The following VPS13D variants were observed in gnomAD, a reference collection of about 807,000 sequenced individuals.
VPS13D encodes intermembrane lipid transfer protein VPS13D.
Under a neutral mutation model 461.9 loss-of-function variants are expected in VPS13D, and 187 were observed. That is an observed-to-expected ratio of 0.40 (90% CI 0.36 to 0.46). The LOEUF (loss-of-function observed/expected upper bound fraction) is 0.46. Ranked by LOEUF, VPS13D falls within the 20% of genes least tolerant of loss-of-function variation. The pLI is 0.60. For missense variants in VPS13D, 4,711 were observed against 5,364.9 expected (o/e 0.88, Z 3.81); for synonymous variants, 1,951 against 1,986.3 (o/e 0.98, Z 0.47).
intron 67 of VPS13D, 154 bp from the exon 68 acceptor site, chr1:12,497,346 C>T: frequency 2.5e-6 from 2 of 796,544 alleles, no homozygotes; most frequent in Non-Finnish European, 3.6e-6. Context: ...ACCGCTATTT[C>T]ATGGTGTATT....
At chr1:12,497,361 G>T in intron 67 of VPS13D, 139 bp from the exon 68 acceptor site, 1 of 969,676 alleles carries the variant, frequency 1.0e-6, no homozygotes, top group East Asian at 3.0e-5. Context: ...TGTATTCACA[G>T]GCAGTACTGT....
At position 12,349,274 on chromosome 1, in the gene VPS13D, A is replaced by T; in HGVS notation, c.9331A>T (p.Lys3111Ter). ...CAAAGGATTGGGTGTATTTTTCTGT[A>T]AGGCTCCCATTCATTGGACCAATGT... ...RPKGLGVFFC[K>*]APIHWTNVVK... Residue 3111 changes from lysine (K) to a stop codon, truncating the protein, a stop_gained, in exon 46 of 70, where the codon AAG (lysine) becomes TAG (stop). Coordinates refer to ENST00000620676, the MANE Select transcript of VPS13D (RefSeq NM_015378.4). LOFTEE classifies it high-confidence loss of function. The T allele has an allele frequency of 6.2e-7, 1 of 1,614,134 alleles. No individual in the cohort carries two copies. The highest frequency in any genetic ancestry group is 2.2e-5 in the East Asian group (1 of 44,872).
chr1:12,283,531 T>C lies in VPS13D; in HGVS notation c.5429T>C (p.Ile1810Thr), dbSNP rs1236367670. Residue 1810 changes from isoleucine (I) to threonine (T), a missense_variant, in exon 21 of 70, where the codon ATT (isoleucine) becomes ACT (threonine). Coordinates refer to ENST00000620676, the MANE Select transcript of VPS13D (RefSeq NM_015378.4). ...AGTTACAATCGAGTTAACCGGAGCA[T>C]TGATGTTGATTTTAATTGCTTGGAT... ...SSSYNRVNRS[I>T]DVDFNCLDVL... The C allele has an allele frequency of 2.5e-6, 4 of 1,614,176 alleles. No homozygotes were observed. Among genetic ancestry groups the C allele is most frequent in the Non-Finnish European group, 3.4e-6 (4 of 1,180,022 alleles).
At chr1:12,459,052 A>G (rs1379004018) in intron 66 of VPS13D, among the ~76,000 whole-genome samples, 1 of 152,184 alleles carries the variant, frequency 6.6e-6, no homozygotes, top group Non-Finnish European at 1.5e-5. Flanking sequence ...CCTTATTTCA[A>G]GCATCCAGTG....
At chr1:12,334,488 C>T (rs945281218) in intron 38 of VPS13D, among the ~76,000 whole-genome samples, 6 of 152,204 alleles carry the variant, frequency 3.9e-5, no homozygotes, top group Admixed American at 2.6e-4. Context: ...ATCTTCTGGC[C>T]GTGCACATTG....
intron 10 of VPS13D, 115 bp from the exon 11 acceptor site, chr1:12,260,578 A>T: frequency 2.6e-6 from 2 of 778,900 alleles, no homozygotes; most frequent in South Asian, 1.6e-5. Flanking sequence ...GTGGAAATGC[A>T]GGGGACCAGA....
Position 12,473,493 on chromosome 1 carries a change from A to T in VPS13D, c.12662+13097A>T, listed in dbSNP as rs1293710297. Among the ~76,000 whole-genome samples, 1 of 151,972 alleles carries T rather than the reference A, an allele frequency of 6.6e-6. No homozygotes were observed. Among genetic ancestry groups the T allele is most frequent in the Non-Finnish European group, 1.5e-5 (1 of 67,974 alleles). On this transcript the variant is annotated intron_variant, in intron 67 of 69. Transcript: ENST00000620676. This position sits in a 1 kb window ranked among gnomAD's most constrained non-coding sequence, Gnocchi z 4.2. ...GTCATTGGGCTGCTGCTTGGCTGTGACCTGGAACAAGTTTTTCCCCTCTTA... is the reference window on the plus strand; with the variant it reads ...GTCATTGGGCTGCTGCTTGGCTGTGTCCTGGAACAAGTTTTTCCCCTCTTA...
chr1:12,259,403 C>T (rs1385307504), intron 10 of VPS13D, among the ~76,000 whole-genome samples: 6 of 151,692 alleles, frequency 4.0e-5, no homozygotes, highest in Non-Finnish European at 8.8e-5. Flanking sequence ...GCAACCTCTG[C>T]CTCCTTGGTT....
chr1:12,397,546 C>G (rs944636235), intron 60 of VPS13D, among the ~76,000 whole-genome samples: 1 of 152,134 alleles, frequency 6.6e-6, no homozygotes, highest in Non-Finnish European at 1.5e-5. Flanking sequence ...TTCATTCAGT[C>G]CATTCTTACT....
chr1:12,268,656 G>A, intron 15 of VPS13D, 50 bp from the exon 16 acceptor site: 1 of 1,571,522 alleles, frequency 6.4e-7, no homozygotes, highest in South Asian at 1.2e-5. Context: ...TGTTAATAAG[G>A]CTATAGTTTT....
intron 21 of VPS13D, 46 bp downstream of exon 21, chr1:12,283,782 TG>T (rs1641882638): frequency 1.9e-5 from 29 of 1,528,688 alleles, no homozygotes; most frequent in Non-Finnish European, 2.4e-5. Context: ...AAAATGGATT[TG>T]GGCTTGTTGA....
At chr1:12,253,969 T>A (rs775417160) in intron 7 of VPS13D, 143 bp downstream of exon 7, 14 of 651,384 alleles carry the variant, frequency 2.1e-5, no homozygotes, top group Non-Finnish European at 3.0e-5. Context: ...CTCTCAAGTG[T>A]GTTTGCTTGA....
intron 67 of VPS13D, among the ~76,000 whole-genome samples, chr1:12,485,525 A>G (rs1006179698): frequency 1.3e-5 from 2 of 152,250 alleles, no homozygotes; most frequent in African/African-American, 4.8e-5. Flanking sequence ...TGCATGTTTA[A>G]TGTGACACAG....
rs1290225461 is a variant in VPS13D, at chr1:12,256,460, A to C, written c.797A>C (p.Asp266Ala). Reference sequence around the variant, plus strand: ...CGGTCTCGGCACAGTCCCCGTATTGATTGTGATATTCAGCTGGAGACCATT... The same window carrying C: ...CGGTCTCGGCACAGTCCCCGTATTGCTTGTGATATTCAGCTGGAGACCATT... ...PLRSRHSPRI[D>A]CDIQLETIPL... Residue 266 changes from aspartate to alanine, a missense_variant, in exon 8 of 70, where the codon GAT (aspartate) becomes GCT (alanine). This residue lies in a region of VPS13D where 4,411 missense variants were observed against 4,937.8 expected (regional missense o/e 0.89). Coordinates refer to ENST00000620676, the MANE Select transcript of VPS13D (RefSeq NM_015378.4). 2 of 1,614,078 alleles carry C rather than the reference A, an allele frequency of 1.2e-6. No homozygotes were observed. The highest frequency in any genetic ancestry group is 2.2e-5 in the South Asian group (2 of 91,070).
intron 20 of VPS13D, 151 bp from the exon 21 acceptor site, chr1:12,282,554 A>G: frequency 2.7e-6 from 2 of 753,146 alleles, no homozygotes; most frequent in South Asian, 1.8e-5. Context: ...ATAAAGAGGT[A>G]AGGACAAAAT....
intron 60 of VPS13D, among the ~76,000 whole-genome samples, chr1:12,392,399 G>C (rs1047908518): frequency 6.6e-6 from 1 of 151,284 alleles, no homozygotes; most frequent in Non-Finnish European, 1.5e-5. Context: ...GAATCGCTTG[G>C]ACCTGGGAGG....
Position 12,299,295 on chromosome 1 carries a change from A to C in VPS13D, c.6127A>C (p.Asn2043His). ...GATCCCAGAAAGTTCCAGATCAAAT[A>C]ATCTGATTGTAGCAAATTTGGGGAA... ...LLIPESSRSN[N>H]LIVANLGKLK... The change falls in exon 25 of 70, where the codon AAT (asparagine) becomes CAT (histidine). Residue 2043 changes from asparagine (N) to histidine (H), a missense_variant. Physicochemically the swap from Asn to His is moderately conservative, Grantham distance 68. Coordinates refer to ENST00000620676, the MANE Select transcript of VPS13D (RefSeq NM_015378.4). The surrounding 1 kb of genome is among the most constrained non-coding windows in gnomAD (Gnocchi z 4.2). 6.2e-7 allele frequency: 1 copy of C among 1,613,976 alleles called. No individual in the cohort carries two copies. Among genetic ancestry groups the C allele is most frequent in the South Asian group, 1.1e-5 (1 of 91,024 alleles).
At chr1:12,251,722 C>A (rs1438325435) in intron 6 of VPS13D, among the ~76,000 whole-genome samples, 2 of 152,120 alleles carry the variant, frequency 1.3e-5, no homozygotes, top group African/African-American at 2.4e-5. Context: ...TTTTCTGAAA[C>A]ATACCTGATT....
chr1:12,351,939 GAAAT>G (rs1643805694), intron 46 of VPS13D, among the ~76,000 whole-genome samples: 1 of 151,906 alleles, frequency 6.6e-6, no homozygotes, highest in Admixed American at 6.6e-5. Context: ...GTTTATCCCA[GAAAT>G]TTAAGATTAG....
Sources: allele counts gnomAD v4.1 joint callset (sites outside exome capture counted in the v4.1 genomes callset), GRCh38; gene constraint gnomAD v4.1.1; regional missense constraint gnomAD v4.1.1; non-coding constraint Gnocchi (gnomAD v3.1); transcripts MANE v1.5; gene names NCBI Gene and HGNC (gene_info 2026-07-23, HGNC 2026-07-21).